The following ZNF273 variants were observed in gnomAD, a reference collection of about 807,000 sequenced individuals.
ZNF273 encodes zinc finger protein 273, also known as zinc finger protein 9.
ZNF273 carries 11 observed loss-of-function variants against 14.9 expected under a neutral mutation model. The ratio of observed to expected loss-of-function variants is 0.74; its 90% CI spans 0.46 to 1.22. The LOEUF (loss-of-function observed/expected upper bound fraction) is 1.22. Among genes scored for constraint, ZNF273 ranks in the 50% most tolerant of loss-of-function variants. The pLI is 0.00. For synonymous variants in ZNF273, 199 were observed against 223.9 expected, an observed-to-expected ratio of 0.89 and a Z score of 0.99; for missense variants, 577 against 660.6, an observed-to-expected ratio of 0.87 and a Z score of 1.39.
At chr7:64,904,576 T>C (rs1037787020) in intron 1 of ZNF273, among the ~76,000 whole-genome samples, 2 of 152,190 alleles carry the variant, frequency 1.3e-5, no homozygotes, top group East Asian at 1.9e-4. Flanking sequence ...AACTCTGGCT[T>C]GCAGTAAAAT....
At chr7:64,906,778 A>G (rs1793139363) in intron 1 of ZNF273, among the ~76,000 whole-genome samples, 1 of 152,176 alleles carries the variant, frequency 6.6e-6, no homozygotes, top group Non-Finnish European at 1.5e-5. Flanking sequence ...CTTACTGGAG[A>G]TGAAGTTGTT....
intron 1 of ZNF273, among the ~76,000 whole-genome samples, chr7:64,910,297 G>A (rs1232503098): frequency 6.6e-6 from 1 of 151,974 alleles, no homozygotes; most frequent in Non-Finnish European, 1.5e-5. Flanking sequence ...CAGGGCTTTT[G>A]TATAATTTTA....
At chr7:64,923,401 C>T (rs928101777) in intron 3 of ZNF273, 83 of 454,320 alleles carry the variant, frequency 1.8e-4, no homozygotes, top group Non-Finnish European at 3.3e-4. Flanking sequence ...AGTGCAGTGG[C>T]GTGATCTTGG....
chr7:64,915,356 A>T (rs1256094361), intron 1 of ZNF273, among the ~76,000 whole-genome samples: 3 of 152,218 alleles, frequency 2.0e-5, no homozygotes, highest in African/African-American at 7.2e-5. Flanking sequence ...GTGGGAAATC[A>T]GGGGTCTCAC....
intron 1 of ZNF273, among the ~76,000 whole-genome samples, chr7:64,905,093 G>A (rs77471093): frequency 0.027 from 4,032 of 149,218 alleles, 80 homozygotes; most frequent in Middle Eastern, 0.049. Context: ...GGGGCTGAGA[G>A]GCATCTCCTG....
downstream of ZNF273, among the ~76,000 whole-genome samples, chr7:64,884,054 T>A (rs139254473): frequency 6.6e-6 from 1 of 152,364 alleles, no homozygotes; most frequent in East Asian, 1.9e-4. Context: ...CAAGTCTGGC[T>A]TTTGCCTAAT....
intron 1 of ZNF273, among the ~76,000 whole-genome samples, chr7:64,909,450 A>C (rs1793338851): frequency 6.6e-6 from 1 of 151,998 alleles, no homozygotes; most frequent in Non-Finnish European, 1.5e-5. Flanking sequence ...GCTGGTCTCC[A>C]ACTCCTGACC....
At chr7:64,905,728 T>C (rs373517712) in intron 1 of ZNF273, among the ~76,000 whole-genome samples, 1 of 152,130 alleles carries the variant, frequency 6.6e-6, no homozygotes, top group South Asian at 2.1e-4. Context: ...AGCACTTAAG[T>C]GAGCAGGATG....
downstream of ZNF273, among the ~76,000 whole-genome samples, chr7:64,894,439 C>T (rs1037743599): frequency 1.3e-5 from 2 of 152,042 alleles, no homozygotes; most frequent in Admixed American, 6.5e-5. Flanking sequence ...TACAAACAAA[C>T]TTTACAGATT....
chr7:64,934,381 A>G (rs1795044877), downstream of ZNF273, among the ~76,000 whole-genome samples: 1 of 152,204 alleles, frequency 6.6e-6, no homozygotes, highest in South Asian at 2.1e-4. Context: ...AGGTTAAATC[A>G]AAAGAATTAC....
intron 1 of ZNF273, among the ~76,000 whole-genome samples, chr7:64,912,238 C>T (rs1481887127): frequency 6.6e-6 from 1 of 152,114 alleles, no homozygotes; most frequent in Non-Finnish European, 1.5e-5. Context: ...GGATTACAGG[C>T]GTGAGCCACC....
At chr7:64,893,697 C>G (rs1396604925), downstream of ZNF273, 1 of 121,784 alleles carries the variant, frequency 8.2e-6, no homozygotes, top group African/African-American at 3.4e-5. Flanking sequence ...TCCCCCTCCC[C>G]TCCCCCTCCC....
intron 3 of ZNF273, chr7:64,897,332 G>C (rs1189606371): frequency 6.6e-6 from 1 of 152,270 alleles, no homozygotes; most frequent in East Asian, 1.9e-4. Flanking sequence ...GTTTTTGTTT[G>C]TTTGTTTGTT....
chr7:64,916,346 G>A (rs1354256564), intron 1 of ZNF273, among the ~76,000 whole-genome samples: 1 of 133,556 alleles, frequency 7.5e-6, no homozygotes, highest in Non-Finnish European at 1.6e-5. Context: ...CCAACATGGT[G>A]AAACCCCATC....
intron 1 of ZNF273, among the ~76,000 whole-genome samples, chr7:64,903,944 T>C (rs2129056387): frequency 6.6e-6 from 1 of 152,350 alleles, no homozygotes. Context: ...ATTGGTTAGG[T>C]ACCGTTATGT....
intron 1 of ZNF273, among the ~76,000 whole-genome samples, chr7:64,916,463 T>C (rs1259269815): frequency 1.3e-5 from 2 of 148,760 alleles, no homozygotes. Context: ...GAGAATCGCT[T>C]GAATTCGGGA....
chr7:64,894,198 T>C (rs1014824688), downstream of ZNF273, among the ~76,000 whole-genome samples: 6 of 152,038 alleles, frequency 3.9e-5, no homozygotes, highest in Non-Finnish European at 8.8e-5. Context: ...AGAAACAGGG[T>C]TTCACCGTGT....
chr7:64,893,485 ATAGCAGCTCATGCATGC>A (rs996730531), downstream of ZNF273: 3 of 152,208 alleles, frequency 2.0e-5, no homozygotes, highest in African/African-American at 4.8e-5. Flanking sequence ...AAAGCAGCGA[ATAGCAGCTCATGCATGC>A]TAATTATTTG....
chr7:64,885,186 G>A (rs10269760), intron 1 of ZNF273, among the ~76,000 whole-genome samples: 6,540 of 152,244 alleles, frequency 0.043, 162 homozygotes, highest in Middle Eastern at 0.082. Flanking sequence ...ATAGTCCCAC[G>A]ATCCCAGGAG....
Sources: allele counts gnomAD v4.1 joint callset (sites outside exome capture counted in the v4.1 genomes callset), GRCh38; gene constraint gnomAD v4.1.1; transcripts MANE v1.5; gene names NCBI Gene and HGNC (gene_info 2026-07-23, HGNC 2026-07-21).